PPM1K: variants seen among roughly 807,000 people sequenced by gnomAD.
The protein encoded by PPM1K is protein phosphatase, Mg2+/Mn2+ dependent 1K.
In PPM1K, 19 loss-of-function variants were observed where a neutral mutation model predicts 32.6. The ratio of observed to expected loss-of-function variants is 0.58; its 90% CI spans 0.41 to 0.86. The LOEUF (loss-of-function observed/expected upper bound fraction) is 0.86, where lower values mean the gene tolerates loss of function less well. Among genes scored for constraint, PPM1K ranks in the 40% least tolerant of loss-of-function variants. PPM1K has a pLI of 0.00. For missense variants in PPM1K, 362 were observed against 461.2 expected (o/e 0.78, Z 1.97); for synonymous variants, 159 against 165.3 (o/e 0.96, Z 0.29).
chr4:88,283,141 G>A (rs1350986900), intron 1 of PPM1K, among the ~76,000 whole-genome samples: 1 of 152,188 alleles, frequency 6.6e-6, no homozygotes, highest in African/African-American at 2.4e-5. Flanking sequence ...CTGAGACAGG[G>A]TCTTGCTCTG....
At chr4:88,271,014 T>C (rs776964105) in intron 3 of PPM1K, 1 of 504,812 alleles carries the variant, frequency 2.0e-6, no homozygotes, top group Non-Finnish European at 3.9e-6. Context: ...CAATTTCTAC[T>C]GCAAGTCATC....
Position 88,278,955 on chromosome 4 carries a change from T to G in PPM1K, c.-59-313A>C, listed in dbSNP as rs1367911560. On this transcript the variant is annotated intron_variant, in intron 1 of 6. Transcript: ENST00000608933. This position sits in a 1 kb window ranked among gnomAD's most constrained non-coding sequence, Gnocchi z 4.2. The stretch of plus-strand genomic sequence containing the variant: ...GCACATACACAGAACATGTATCTCT[T>G]AAACTTGAACCTGCAATCACTTGTT... The G allele has an allele frequency of 5.4e-6, 1 of 185,698 alleles. No individual in the cohort carries two copies. Among genetic ancestry groups the G allele is most frequent in the Non-Finnish European group, 1.1e-5 (1 of 88,996 alleles). 11.5% of individuals were successfully genotyped at this position (185,698 alleles called of 1,614,324 possible).
chr4:88,270,815 C>A (rs371438242), intron 3 of PPM1K, among the ~76,000 whole-genome samples: 10 of 152,134 alleles, frequency 6.6e-5, no homozygotes, highest in African/African-American at 2.4e-4. Flanking sequence ...TCCAAAATCC[C>A]AGGATTTATA....
chr4:88,268,963 G>A (rs1731448406), intron 3 of PPM1K, 57 bp from the exon 4 acceptor site: 2 of 1,419,680 alleles, frequency 1.4e-6, no homozygotes, highest in African/African-American at 1.4e-5. Context: ...GATTGGATAT[G>A]GAATTTTTAT....
chr4:88,270,961 G>C, intron 3 of PPM1K: 1 of 348,096 alleles, frequency 2.9e-6, no homozygotes, highest in South Asian at 2.4e-5. Flanking sequence ...AACAAAACTA[G>C]AAAACTAAGA....
In PPM1K at chr4:88,259,432, C is replaced by T. The variant is rs1731040979; in HGVS notation, c.*3163G>A. ...TAGATGGTGGCAAATAGTTTGGCAA[C>T]ACATATTAGAAAGGTGATTTCTATA... On this transcript the variant is annotated 3_prime_UTR_variant, in exon 7 of 7. Transcript: ENST00000608933. 1 of 152,178 alleles carries T rather than the reference C, an allele frequency of 6.6e-6. No individual in the cohort carries two copies. The highest frequency in any genetic ancestry group is 2.1e-4 in the South Asian group (1 of 4,828). The allele number at this position is 152,178 out of a possible 1,614,324, so 9.4% of individuals were successfully genotyped here. A position where few individuals can be genotyped will look rare whatever the true frequency, so the allele number is the denominator to read the frequency against.
At chr4:88,270,596 T>C (rs1042296289) in intron 3 of PPM1K, among the ~76,000 whole-genome samples, 3 of 152,246 alleles carry the variant, frequency 2.0e-5, no homozygotes, top group Non-Finnish European at 4.4e-5. Context: ...ACACGGCATT[T>C]ATTCAGATGC....
At chr4:88,265,296 T>A (rs903590393) in intron 5 of PPM1K, among the ~76,000 whole-genome samples, 161 bp from the exon 6 acceptor site, 2 of 152,216 alleles carry the variant, frequency 1.3e-5, no homozygotes, top group African/African-American at 4.8e-5. Flanking sequence ...CATATTGAAT[T>A]ATAGCTACCA....
Position 88,266,530 on chromosome 4 carries a change from C to T in PPM1K, c.853-1395G>A, listed in dbSNP as rs183445866. 4.4e-4 allele frequency among the ~76,000 whole-genome samples: 55 copies of T among 124,476 alleles called. 1 individual carries two copies. The East Asian group carries it at 0.012, about 27-fold the overall frequency. 81.7% of individuals were successfully genotyped at this position (124,476 alleles called of 152,430 possible). A position where few individuals can be genotyped will look rare whatever the true frequency, so the allele number is the denominator to read the frequency against. ...GGGTGCAGGTGATGCTGATTGGGTG[C>T]AGGTGATGCTGATTGACTGCGTGCA... is the stretch of plus-strand genomic sequence containing the variant. On this transcript the variant is annotated intron_variant, in intron 5 of 6. Transcript: ENST00000608933.
chr4:88,279,692 A>G (rs1402890301), intron 1 of PPM1K: 1 of 152,232 alleles, frequency 6.6e-6, no homozygotes, highest in African/African-American at 2.4e-5. Context: ...ACCCCACTGC[A>G]GGTAGAGCTG....
At chr4:88,269,343 A>AT (rs1320474861) in intron 3 of PPM1K, among the ~76,000 whole-genome samples, 1 of 152,214 alleles carries the variant, frequency 6.6e-6, no homozygotes, top group Non-Finnish European at 1.5e-5. Context: ...TAGTCTATGG[A>AT]TTTAGAAGGT....
rs749718137 is a variant in PPM1K, at chr4:88,278,101, G to A, written c.440+43C>T. On this transcript the variant is annotated intron_variant, in intron 2 of 6. Coordinates refer to ENST00000608933, the MANE Select transcript of PPM1K (RefSeq NM_152542.5). This position sits in a 1 kb window ranked among gnomAD's most constrained non-coding sequence, Gnocchi z 4.2. ...CAAAGGGTGAAAGTTTAAGTAGGAA[G>A]TATAGGAACTGCAAAGTCAGGAGTG... 9.2e-6 allele frequency: 14 copies of A among 1,528,880 alleles called. No homozygotes were observed. Among genetic ancestry groups the A allele is most frequent in the South Asian group, 3.6e-5 (3 of 83,284 alleles). 94.7% of individuals were successfully genotyped at this position (1,528,880 alleles called of 1,614,324 possible). A position where few individuals can be genotyped will look rare whatever the true frequency, so the allele number is the denominator to read the frequency against.
chr4:88,281,169 AG>A (rs1188425591), intron 1 of PPM1K, among the ~76,000 whole-genome samples: 51 of 152,362 alleles, frequency 3.3e-4, no homozygotes, highest in African/African-American at 1.2e-3. Flanking sequence ...TTGTATTTGA[AG>A]AGTTAACTTG....
intron 1 of PPM1K, among the ~76,000 whole-genome samples, chr4:88,281,241 T>C (rs1731993670): frequency 6.6e-6 from 1 of 152,250 alleles, no homozygotes; most frequent in Admixed American, 6.5e-5. Flanking sequence ...ATATTCAGCC[T>C]TGAGCTACTT....
chr4:88,272,267 A>T (rs1578318231), intron 3 of PPM1K, among the ~76,000 whole-genome samples: 1 of 152,144 alleles, frequency 6.6e-6, no homozygotes, highest in East Asian at 1.9e-4. Context: ...CTGTCCCGGC[A>T]TAGGGGATTC....
chr4:88,278,561 G>A lies in PPM1K; in HGVS notation c.23C>T (p.Thr8Ile). Residue 8 changes from threonine (T) to isoleucine (I), a missense_variant, in exon 2 of 7, where the codon ACT (threonine) becomes ATT (isoleucine). Thr to Ile is a moderately conservative substitution (Grantham distance 89, BLOSUM62 -1). Coordinates refer to ENST00000608933, the MANE Select transcript of PPM1K (RefSeq NM_152542.5). This position sits in a 1 kb window ranked among gnomAD's most constrained non-coding sequence, Gnocchi z 4.2. ...CTGGTTCCCACCACTTCTGACCAAA[G>A]TAATTAAGGCAGCTGTTGACATAAC... MSTAALI[T>I]LVRSGGNQVR... 1.9e-6 allele frequency: 3 copies of A among 1,611,138 alleles called. No individual in the cohort carries two copies. The highest frequency in any genetic ancestry group is 2.5e-6 in the Non-Finnish European group (3 of 1,178,554).
At position 88,268,042 on chromosome 4, in the gene PPM1K, T is replaced by G. The variant is rs1310441055; in HGVS notation, c.852+148A>C. The G allele has an allele frequency of 1.2e-5, 9 of 768,116 alleles. No individual in the cohort carries two copies. In the African/African-American group the frequency reaches 1.4e-4, roughly 12 times the overall value. 47.6% of individuals were successfully genotyped at this position (768,116 alleles called of 1,614,324 possible). A position where few individuals can be genotyped will look rare whatever the true frequency, so the allele number is the denominator to read the frequency against. On this transcript the variant is annotated intron_variant, in intron 5 of 6. Coordinates refer to ENST00000608933, the MANE Select transcript of PPM1K (RefSeq NM_152542.5). ...AGGCCAGAATAGTAGCATCTTATTT[T>G]ACCTGAAAAGTTTTTTTATCCTTCC... is the stretch of plus-strand genomic sequence containing the variant.
chr4:88,268,819 C>T lies in PPM1K; in HGVS notation c.629G>A (p.Arg210Gln), dbSNP rs77538297. Residue 210 changes from arginine to glutamine, a missense_variant, in exon 4 of 7, where the codon CGG (arginine) becomes CAG (glutamine). Transcript: ENST00000608933. ...ELVVASVGDSRAILCRKGKPM... is the reference protein window; with the variant it reads ...ELVVASVGDSQAILCRKGKPM... The stretch of plus-strand genomic sequence containing the variant: ...TTTTCCTTTTCTACACAAAATAGCC[C>T]GGCTGTCCCCAACACTGGCTACAAC... 3.8e-4 allele frequency: 610 copies of T among 1,613,896 alleles called. No individual in the cohort carries two copies. In the African/African-American group the frequency reaches 7.2e-3, roughly 19 times the overall value.
At chr4:88,273,730 C>T (rs1255918980) in intron 3 of PPM1K, among the ~76,000 whole-genome samples, 1 of 151,202 alleles carries the variant, frequency 6.6e-6, no homozygotes, top group Non-Finnish European at 1.5e-5. Context: ...CAAGCATGTT[C>T]AATATGTTCC....
Sources: allele counts gnomAD v4.1 joint callset (sites outside exome capture counted in the v4.1 genomes callset), GRCh38; gene constraint gnomAD v4.1.1; non-coding constraint Gnocchi (gnomAD v3.1); transcripts MANE v1.5; gene names NCBI Gene and HGNC (gene_info 2026-07-23, HGNC 2026-07-21).